DPH6: variants seen among roughly 807,000 people sequenced by gnomAD.
DPH6 encodes the protein diphthamine biosynthesis 6, also known as diphthine--ammonia ligase.
Under a neutral mutation model 38.2 loss-of-function variants are expected in DPH6, and 33 were observed. The ratio of observed to expected loss-of-function variants is 0.86; its 90% CI spans 0.65 to 1.15. The LOEUF is 1.15. Among genes scored for constraint, DPH6 ranks in the 50% most tolerant of loss-of-function variants. The pLI is 0.00. For synonymous variants in DPH6, 108 were observed against 103.0 expected (o/e 1.05, Z -0.30); for missense variants, 325 against 320.0 (o/e 1.02, Z -0.12).
chr15:35,189,590 G>A, the DPH6 span, among the ~76,000 whole-genome samples: 7 of 152,150 alleles, frequency 4.6e-5, no homozygotes, highest in Non-Finnish European at 1.0e-4. Flanking sequence ...ATTAGGCATT[G>A]GTTATAATTT....
chr15:35,283,967 G>A (rs2051920755), intron 3 of DPH6, among the ~76,000 whole-genome samples: 1 of 152,160 alleles, frequency 6.6e-6, no homozygotes, highest in Non-Finnish European at 1.5e-5. Flanking sequence ...AATTTGAGAT[G>A]TTTTATTCTT....
chr15:35,257,075 A>G (rs1394570170), intron 3 of DPH6, among the ~76,000 whole-genome samples: 2 of 152,220 alleles, frequency 1.3e-5, no homozygotes, highest in African/African-American at 4.8e-5. Flanking sequence ...TGGCATCATT[A>G]GCATAAAATA....
intron 5 of DPH6, among the ~76,000 whole-genome samples, chr15:35,437,442 C>T (rs1002024593): frequency 6.6e-6 from 1 of 152,172 alleles, no homozygotes; most frequent in Non-Finnish European, 1.5e-5. Context: ...TGGCTTGGGA[C>T]TGAGCTTGGA....
chr15:35,377,598 C>T (rs2052798860), intron 7 of DPH6, among the ~76,000 whole-genome samples: 1 of 152,056 alleles, frequency 6.6e-6, no homozygotes, highest in African/African-American at 2.4e-5. Context: ...CTCTTAAAAG[C>T]TAGGCTATAA....
At chr15:35,384,852 A>C (rs953793370) in intron 6 of DPH6, among the ~76,000 whole-genome samples, 1 of 152,082 alleles carries the variant, frequency 6.6e-6, no homozygotes, top group Non-Finnish European at 1.5e-5. Flanking sequence ...AATGGGAGAA[A>C]ATTTTTGCAA....
chr15:35,242,808 A>C (rs2051609392), intron 3 of DPH6, among the ~76,000 whole-genome samples: 1 of 142,008 alleles, frequency 7.0e-6, no homozygotes. Flanking sequence ...ACACCAGACC[A>C]ACTTCGACTG....
the DPH6 span, among the ~76,000 whole-genome samples, chr15:35,167,997 A>T: frequency 1.3e-5 from 2 of 152,146 alleles, no homozygotes; most frequent in Admixed American, 1.3e-4. Flanking sequence ...GTTGCTGGAG[A>T]TTACATGAGA....
chr15:35,242,112 G>C (rs1444511327), intron 3 of DPH6, among the ~76,000 whole-genome samples: 1 of 144,584 alleles, frequency 6.9e-6, no homozygotes. Flanking sequence ...ATCAGGCTCA[G>C]CAAATTACCT....
intron 3 of DPH6, among the ~76,000 whole-genome samples, chr15:35,496,567 A>AAAAAAAAAAAAAAAATATATATAT: frequency 6.4e-5 from 2 of 31,014 alleles, no homozygotes; most frequent in African/African-American, 1.4e-4. Flanking sequence ...AAAAAAAAAA[A>AAAAAAAAAAAAAAAATATATATAT]ATATATATAT....
downstream of DPH6, among the ~76,000 whole-genome samples, chr15:35,367,073 T>C (rs904777803): frequency 5.3e-5 from 8 of 151,872 alleles, no homozygotes; most frequent in Non-Finnish European, 1.2e-4. Flanking sequence ...GCTGTAAGAC[T>C]GATGATGTTT....
the DPH6 span, among the ~76,000 whole-genome samples, chr15:35,164,647 C>T: frequency 6.6e-6 from 1 of 151,750 alleles, no homozygotes. Context: ...AAAGAAGCCA[C>T]ATTTTAGAAG....
chr15:35,284,067 T>C (rs895641403), intron 3 of DPH6, among the ~76,000 whole-genome samples: 2 of 152,186 alleles, frequency 1.3e-5, no homozygotes, highest in Non-Finnish European at 2.9e-5. Context: ...AGGACATAGT[T>C]CTCTTCTGGT....
the DPH6 span, among the ~76,000 whole-genome samples, chr15:35,203,834 T>A: frequency 6.6e-6 from 1 of 151,748 alleles, no homozygotes; most frequent in East Asian, 1.9e-4. Flanking sequence ...AGCATTTTGA[T>A]AATGTAACAG....
intron 5 of DPH6, among the ~76,000 whole-genome samples, chr15:35,426,559 T>A (rs930193290): frequency 5.3e-5 from 8 of 151,722 alleles, no homozygotes; most frequent in Non-Finnish European, 1.2e-4. Flanking sequence ...AAGATTAATG[T>A]AAAATATAGG....
chr15:35,323,052 AAATAAAAG>A (rs1482160448), intron 3 of DPH6, among the ~76,000 whole-genome samples: 1 of 152,198 alleles, frequency 6.6e-6, no homozygotes, highest in African/African-American at 2.4e-5. Context: ...CTTAAACAAC[AAATAAAAG>A]AATAAAAGAA....
intron 3 of DPH6, among the ~76,000 whole-genome samples, chr15:35,356,499 A>C (rs917832153): frequency 6.6e-6 from 1 of 152,116 alleles, no homozygotes; most frequent in Admixed American, 6.5e-5. Flanking sequence ...TTTCATTTTA[A>C]CAGTCAGGAC....
chr15:35,272,829 C>T (rs940930885), intron 3 of DPH6, among the ~76,000 whole-genome samples: 1 of 151,942 alleles, frequency 6.6e-6, no homozygotes, highest in Non-Finnish European at 1.5e-5. Flanking sequence ...ATCGCTTGAA[C>T]CCGGGAGGCA....
intron 3 of DPH6, among the ~76,000 whole-genome samples, chr15:35,282,371 G>T (rs1274389767): frequency 6.6e-6 from 1 of 152,076 alleles, no homozygotes; most frequent in Non-Finnish European, 1.5e-5. Context: ...TAGAGACAAG[G>T]TCTCACTATG....
chr15:35,475,832 A>T (rs1056668308), intron 3 of DPH6, among the ~76,000 whole-genome samples: 1 of 151,846 alleles, frequency 6.6e-6, no homozygotes, highest in Non-Finnish European at 1.5e-5. Flanking sequence ...AAATATAAAC[A>T]AAAAATTAAA....
Sources: allele counts gnomAD v4.1 joint callset (sites outside exome capture counted in the v4.1 genomes callset), GRCh38; gene constraint gnomAD v4.1.1; transcripts MANE v1.5; gene names NCBI Gene and HGNC (gene_info 2026-07-23, HGNC 2026-07-21).